GRM8: variants seen among roughly 807,000 people sequenced by gnomAD.
The protein encoded by GRM8 is glutamate metabotropic receptor 8.
Under a neutral mutation model 87.2 loss-of-function variants are expected in GRM8, and 47 were observed. The observed-to-expected ratio is 0.54, with a 90% confidence interval of 0.43 to 0.69. The LOEUF is 0.69. GRM8 is among the 30% of genes least tolerant of loss of function. The pLI is 0.00. For synonymous variants in GRM8, 396 were observed against 404.5 expected, an observed-to-expected ratio of 0.98 and a Z score of 0.25; for missense variants, 1,019 against 1,139.2, an observed-to-expected ratio of 0.89 and a Z score of 1.52.
intron 9 of GRM8, among the ~76,000 whole-genome samples, chr7:126,503,347 T>C (rs1227608920): frequency 6.6e-6 from 1 of 152,088 alleles, no homozygotes; most frequent in Admixed American, 6.6e-5. Context: ...ACTGTTTCTG[T>C]AACTAATTAG....
intron 6 of GRM8, among the ~76,000 whole-genome samples, chr7:126,861,127 C>A (rs188323176): frequency 2.6e-4 from 39 of 152,158 alleles, no homozygotes; most frequent in East Asian, 2.5e-3. Context: ...AATTTTCCTA[C>A]CCAGACATTA....
At chr7:126,795,564 T>C (rs548140473) in intron 6 of GRM8, among the ~76,000 whole-genome samples, 23 of 152,272 alleles carry the variant, frequency 1.5e-4, no homozygotes, top group African/African-American at 5.3e-4. Context: ...TCCCTCTTTT[T>C]GGATCACCAG....
At chr7:127,207,699 C>T (rs1450507013) in intron 2 of GRM8, among the ~76,000 whole-genome samples, 10 of 152,158 alleles carry the variant, frequency 6.6e-5, no homozygotes, top group Non-Finnish European at 8.8e-5. Context: ...TTCCTGGCCA[C>T]GGTGCGATGG....
intron 7 of GRM8, among the ~76,000 whole-genome samples, chr7:126,710,129 A>T (rs1810954826): frequency 6.6e-6 from 1 of 152,208 alleles, no homozygotes; most frequent in South Asian, 2.1e-4. Flanking sequence ...AATTTATTTT[A>T]AAAATATTTT....
chr7:126,504,499 A>G (rs536354683), intron 9 of GRM8, among the ~76,000 whole-genome samples: 1 of 151,936 alleles, frequency 6.6e-6, no homozygotes, highest in South Asian at 2.1e-4. Context: ...TTAATTTTTT[A>G]TGTATCAATA....
chr7:126,649,992 C>T (rs1287642942), intron 7 of GRM8, among the ~76,000 whole-genome samples: 1 of 152,200 alleles, frequency 6.6e-6, no homozygotes, highest in African/African-American at 2.4e-5. Flanking sequence ...AAGGCTCTGC[C>T]ATCTCCTGCA....
chr7:126,591,549 A>T (rs533517299), intron 8 of GRM8, among the ~76,000 whole-genome samples: 2 of 152,178 alleles, frequency 1.3e-5, no homozygotes, highest in Admixed American at 6.5e-5. Context: ...TTTACAGAAC[A>T]TTCAAAGATA....
chr7:126,818,275 A>G (rs1417149715), intron 6 of GRM8, among the ~76,000 whole-genome samples: 1 of 152,190 alleles, frequency 6.6e-6, no homozygotes, highest in Non-Finnish European at 1.5e-5. Context: ...TTTTCATTCC[A>G]TAAATCTTAG....
chr7:126,706,048 G>T (rs1810476979), intron 7 of GRM8, among the ~76,000 whole-genome samples: 1 of 151,992 alleles, frequency 6.6e-6, no homozygotes, highest in Non-Finnish European at 1.5e-5. Flanking sequence ...ACACATAATT[G>T]CCATGGTTGA....
At chr7:126,808,449 C>CA (rs906428567) in intron 6 of GRM8, among the ~76,000 whole-genome samples, 1 of 152,176 alleles carries the variant, frequency 6.6e-6, no homozygotes, top group Non-Finnish European at 1.5e-5. Context: ...AAAAAGCACC[C>CA]AATATCCTAC....
rs539443467 is a variant in GRM8 at position 127,106,959 on chromosome 7, T to A, written c.511-247A>T. ...TTCATTTTGCTTTAGTTTCCATTGT[T>A]TCTGGAGCCAAAGCAAAACATTTGT... On this transcript the variant is annotated intron_variant, in intron 2 of 10. Coordinates refer to ENST00000339582, the MANE Select transcript of GRM8 (RefSeq NM_000845.3). 5.3e-5 allele frequency among the ~76,000 whole-genome samples: 8 copies of A among 152,378 alleles called. No homozygotes were observed. The South Asian group carries it at 1.7e-3, about 32-fold the overall frequency.
chr7:126,510,057 A>G (rs181051752), intron 9 of GRM8, among the ~76,000 whole-genome samples: 3 of 152,156 alleles, frequency 2.0e-5, no homozygotes, highest in Admixed American at 2.0e-4. Flanking sequence ...ATGCACCTGT[A>G]GCAATACTGA....
chr7:126,987,240 C>T (rs1330554297), intron 3 of GRM8, among the ~76,000 whole-genome samples: 1 of 152,080 alleles, frequency 6.6e-6, no homozygotes, highest in East Asian at 1.9e-4. Context: ...CCTAAGGAGA[C>T]GTGCTGGTAG....
chr7:126,597,619 C>T (rs773944514), intron 8 of GRM8, among the ~76,000 whole-genome samples: 1 of 151,972 alleles, frequency 6.6e-6, no homozygotes, highest in Non-Finnish European at 1.5e-5. Context: ...CATTTATTTT[C>T]ATTTTTATTA....
chr7:126,887,068 A>G (rs1436899720), intron 6 of GRM8, among the ~76,000 whole-genome samples: 1 of 152,122 alleles, frequency 6.6e-6, no homozygotes, highest in East Asian at 1.9e-4. Context: ...GGGTGTCTCA[A>G]AAAGGAAGTT....
chr7:126,549,267 T>C (rs527967343), intron 8 of GRM8, among the ~76,000 whole-genome samples: 4 of 152,242 alleles, frequency 2.6e-5, no homozygotes, highest in Non-Finnish European at 4.4e-5. Context: ...GGAAAGATTT[T>C]TTTTTTCTGA....
rs10255974 is a variant in GRM8 at position 126,903,300 on chromosome 7, C to A, written c.1019-621G>T. ...GGAATTTCAGTCACTGTCAAACCGACTGGAAAAGATGTTTAGAAGATAGAC... is the reference window on the plus strand; with the variant it reads ...GGAATTTCAGTCACTGTCAAACCGAATGGAAAAGATGTTTAGAAGATAGAC... On this transcript the variant is annotated intron_variant, in intron 5 of 10. Coordinates refer to ENST00000339582, the MANE Select transcript of GRM8 (RefSeq NM_000845.3). 8.7e-3 allele frequency among the ~76,000 whole-genome samples: 1,321 copies of A among 152,160 alleles called. 17 individuals are homozygous for A. Among genetic ancestry groups the A allele is most frequent in the African/African-American group, 0.03 (1,244 of 41,494 alleles).
intron 7 of GRM8, among the ~76,000 whole-genome samples, chr7:126,745,636 G>A (rs1462764400): frequency 6.6e-6 from 1 of 151,498 alleles, no homozygotes; most frequent in Admixed American, 6.6e-5. Context: ...CATAAAATGT[G>A]AATAGTTTGT....
intron 3 of GRM8, among the ~76,000 whole-genome samples, chr7:127,022,673 G>T (rs1225797270): frequency 6.6e-6 from 1 of 152,022 alleles, no homozygotes; most frequent in Non-Finnish European, 1.5e-5. Flanking sequence ...GAGACAGAAA[G>T]AGAATACTTT....
Sources: gnomAD v4.1 joint callset for allele counts (sites outside exome capture counted in the v4.1 genomes callset) on GRCh38, gnomAD v4.1.1 for gene constraint, MANE v1.5 for transcripts, NCBI Gene and HGNC (gene_info 2026-07-23, HGNC 2026-07-21) for gene names.